THSD7B: variants seen among roughly 807,000 people sequenced by gnomAD.
THSD7B encodes the protein thrombospondin type-1 domain-containing protein 7B.
In THSD7B, 138 loss-of-function variants were observed where a neutral mutation model predicts 213.6. That is an observed-to-expected ratio of 0.65 (90% CI 0.56 to 0.74). The LOEUF (loss-of-function observed/expected upper bound fraction) is 0.74, where lower values mean the gene tolerates loss of function less well. Among genes scored for constraint, THSD7B ranks in the 30% least tolerant of loss-of-function variants. The probability of loss-of-function intolerance (pLI) is 0.00; values close to 1 mark genes in which losing one functional copy is unlikely to be tolerated. For synonymous variants in THSD7B, 742 were observed against 687.0 expected, an observed-to-expected ratio of 1.08 and a Z score of -1.25; for missense variants, 1,931 against 1,991.5, an observed-to-expected ratio of 0.97 and a Z score of 0.58.
At chr2:137,110,520 T>C (rs1326675741) in intron 4 of THSD7B, among the ~76,000 whole-genome samples, 2 of 152,190 alleles carry the variant, frequency 1.3e-5, no homozygotes, top group African/African-American at 4.8e-5. Flanking sequence ...TGGCTGACAA[T>C]GTGCTCTCTC....
intron 15 of THSD7B, among the ~76,000 whole-genome samples, chr2:137,478,165 T>C (rs1292719053): frequency 6.6e-6 from 1 of 152,188 alleles, no homozygotes; most frequent in Non-Finnish European, 1.5e-5. Context: ...ATCTATTACT[T>C]TGTTAAATAG....
At chr2:137,519,404 G>A (rs921353661) in intron 15 of THSD7B, among the ~76,000 whole-genome samples, 1 of 152,160 alleles carries the variant, frequency 6.6e-6, no homozygotes, top group Non-Finnish European at 1.5e-5. Context: ...TGAAACCATG[G>A]CAGGTGGTAT....
At position 137,231,057 on chromosome 2, in the gene THSD7B, A is replaced by T; in HGVS notation, c.1737A>T (p.Ser579=). ...VCQNDRGEDV[S]GSLCPVPPPP... is the part of the protein sequence containing the mutation. Reference sequence around the variant, plus strand: ...TGTTGATTGTAGGAGAAGATGTATCAGGGAGTCTTTGCCCAGTTCCCCCTC... The same window carrying T: ...TGTTGATTGTAGGAGAAGATGTATCTGGGAGTCTTTGCCCAGTTCCCCCTC... The change falls in exon 8 of 28, where the codon TCA becomes TCT. Residue 579 remains serine, a synonymous_variant. Transcript: ENST00000409968. 6.2e-7 allele frequency: 1 copy of T among 1,613,290 alleles called. No homozygotes were observed. The highest frequency in any genetic ancestry group is 1.3e-5 in the African/African-American group (1 of 75,022).
At chr2:137,566,765 A>G (rs951707006) in intron 16 of THSD7B, among the ~76,000 whole-genome samples, 4 of 152,170 alleles carry the variant, frequency 2.6e-5, no homozygotes, top group African/African-American at 9.6e-5. Flanking sequence ...TAATCTGATG[A>G]TTATAATAGC....
intron 15 of THSD7B, among the ~76,000 whole-genome samples, chr2:137,513,623 A>G (rs1214401936): frequency 6.6e-6 from 1 of 152,234 alleles, no homozygotes; most frequent in Non-Finnish European, 1.5e-5. Context: ...TTTAACTAAA[A>G]TATGTAACCA....
intron 1 of THSD7B, among the ~76,000 whole-genome samples, chr2:136,841,006 C>G (rs1032292404): frequency 2.6e-5 from 4 of 152,194 alleles, no homozygotes; most frequent in Admixed American, 2.0e-4. Flanking sequence ...ATACTATCAT[C>G]AGTGAGGCTA....
intron 1 of THSD7B, among the ~76,000 whole-genome samples, chr2:136,782,430 C>T (rs146317209): frequency 6.6e-6 from 1 of 152,244 alleles, no homozygotes; most frequent in Non-Finnish European, 1.5e-5. Context: ...TTTCAATTGT[C>T]AAAAACACCC....
intron 7 of THSD7B, among the ~76,000 whole-genome samples, chr2:137,218,277 A>G (rs756749087): frequency 1.2e-4 from 19 of 152,254 alleles, no homozygotes; most frequent in Middle Eastern, 3.4e-3. Flanking sequence ...CTTGACTTAA[A>G]TGTCACTATT....
At chr2:137,000,646 T>A (rs1685983781) in intron 2 of THSD7B, among the ~76,000 whole-genome samples, 1 of 152,118 alleles carries the variant, frequency 6.6e-6, no homozygotes. Flanking sequence ...CTGTTTATAT[T>A]GTTCTTTTGG....
At chr2:136,827,770 T>TGAGAGA (rs56349408) in intron 1 of THSD7B, among the ~76,000 whole-genome samples, 3 of 146,360 alleles carry the variant, frequency 2.0e-5, no homozygotes, top group Admixed American at 1.4e-4. Context: ...TACACTGAAA[T>TGAGAGA]GAGAGAGAGA....
intron 12 of THSD7B, among the ~76,000 whole-genome samples, chr2:137,351,987 T>G (rs1195696598): frequency 6.6e-6 from 1 of 151,870 alleles, no homozygotes; most frequent in East Asian, 1.9e-4. Context: ...TCAGCTATCA[T>G]TAGTGTTAGT....
intron 1 of THSD7B, among the ~76,000 whole-genome samples, chr2:136,814,866 G>C (rs570282117): frequency 1.3e-5 from 2 of 152,252 alleles, no homozygotes; most frequent in East Asian, 3.9e-4. Flanking sequence ...TTTTGTATGG[G>C]TCTCAAGATG....
At chr2:137,173,369 A>C (rs1680300980) in intron 7 of THSD7B, among the ~76,000 whole-genome samples, 2 of 152,126 alleles carry the variant, frequency 1.3e-5, no homozygotes, top group South Asian at 4.1e-4. Flanking sequence ...AATGACTCTC[A>C]TGCTTTGTTA....
At chr2:137,232,292 T>C (rs1681658714) in intron 8 of THSD7B, among the ~76,000 whole-genome samples, 1 of 152,212 alleles carries the variant, frequency 6.6e-6, no homozygotes, top group Non-Finnish European at 1.5e-5. Context: ...CTGGTCTTCC[T>C]GCCAGGGGAT....
At chr2:136,802,482 T>C (rs962632726) in intron 1 of THSD7B, among the ~76,000 whole-genome samples, 2 of 151,554 alleles carry the variant, frequency 1.3e-5, no homozygotes, top group African/African-American at 4.8e-5. Context: ...AAAAAGTGTG[T>C]GCTTCTCCCC....
intron 2 of THSD7B, among the ~76,000 whole-genome samples, chr2:136,924,206 T>G (rs917689211): frequency 3.3e-5 from 5 of 152,180 alleles, no homozygotes; most frequent in Admixed American, 6.5e-5. Context: ...CTCAGCCTTC[T>G]GAGTAGCTGG....
intron 17 of THSD7B, among the ~76,000 whole-genome samples, chr2:137,579,230 CCAAA>C (rs1191181124): frequency 6.6e-6 from 1 of 152,104 alleles, no homozygotes; most frequent in Non-Finnish European, 1.5e-5. Flanking sequence ...GAAGTTCCAT[CCAAA>C]CAGTTAAAGG....
intron 21 of THSD7B, among the ~76,000 whole-genome samples, chr2:137,644,555 A>G (rs1682994953): frequency 6.6e-6 from 1 of 152,216 alleles, no homozygotes; most frequent in African/African-American, 2.4e-5. Context: ...ACTTCCAGCT[A>G]CATTCCTACT....
In THSD7B at chr2:136,954,740, T is replaced by TAAAAAAAAAAAAAAAAAAAG. The variant is rs773677139; in HGVS notation, c.139+72424_139+72425insAAAAAAAAAAAAAAAAAAGA. On this transcript the variant is annotated intron_variant, in intron 2 of 27. Coordinates refer to ENST00000409968, the MANE Select transcript of THSD7B (RefSeq NM_001316349.2). Reference sequence around the variant, plus strand: ...AAAAAAAAAAAAAAAAAAAAGAAATTACATAAGAGCTTTTATACTGTTTAT... The same window carrying TAAAAAAAAAAAAAAAAAAAG: ...AAAAAAAAAAAAAAAAAAAAGAAATTAAAAAAAAAAAAAAAAAAAGACATAAGAGCTTTTATACTGTTTAT... 4.8e-4 allele frequency among the ~76,000 whole-genome samples: 66 copies of TAAAAAAAAAAAAAAAAAAAG among 137,472 alleles called. 5 individuals are homozygous for TAAAAAAAAAAAAAAAAAAAG. The highest frequency in any genetic ancestry group is 1.9e-3 in the African/African-American group (61 of 32,316). The allele number at this position is 137,472 out of a possible 152,430, so 90.2% of individuals were successfully genotyped here.
Sources: allele counts gnomAD v4.1 joint callset (sites outside exome capture counted in the v4.1 genomes callset), GRCh38; gene constraint gnomAD v4.1.1; transcripts MANE v1.5; gene names NCBI Gene and HGNC (gene_info 2026-07-23, HGNC 2026-07-21).